The following SSBP3 variants were observed in gnomAD, a reference collection of about 807,000 sequenced individuals.
SSBP3 encodes the protein single stranded DNA binding protein 3.
In SSBP3, 5 loss-of-function variants were observed where a neutral mutation model predicts 69.6. The ratio of observed to expected loss-of-function variants is 0.07; its 90% CI spans 0.04 to 0.15. The LOEUF is 0.15. Among genes scored for constraint, SSBP3 ranks in the 10% least tolerant of loss-of-function variants. SSBP3 has a pLI of 1.00. For synonymous variants in SSBP3, 196 were observed against 193.4 expected, an observed-to-expected ratio of 1.01 and a Z score of -0.11; for missense variants, 312 against 534.0, an observed-to-expected ratio of 0.58 and a Z score of 4.10.
chr1:54,232,243 C>T (rs545366316), intron 14 of SSBP3, among the ~76,000 whole-genome samples: 1 of 152,132 alleles, frequency 6.6e-6, no homozygotes, highest in Non-Finnish European at 1.5e-5. Flanking sequence ...ACGTTTCTGT[C>T]CTCTGATACA....
chr1:54,406,420 A>G (rs180800239), upstream of SSBP3: 4,268 of 153,658 alleles, frequency 0.028, 102 homozygotes, highest in East Asian at 0.044. Flanking sequence ...GAACGTGGCT[A>G]CCCGGGCGAG....
At chr1:54,266,493 G>A (rs983831663) in intron 5 of SSBP3, among the ~76,000 whole-genome samples, 1 of 152,196 alleles carries the variant, frequency 6.6e-6, no homozygotes, top group Admixed American at 6.5e-5. Context: ...CAAAGTCTAA[G>A]ATTATTTCCT....
At chr1:54,288,337 T>C (rs1645530074) in intron 4 of SSBP3, among the ~76,000 whole-genome samples, 1 of 152,176 alleles carries the variant, frequency 6.6e-6, no homozygotes, top group Non-Finnish European at 1.5e-5. Flanking sequence ...GCTGATGTCC[T>C]GCTGCTCCAG....
At chr1:54,404,762 T>C (rs1168366785) in intron 2 of SSBP3, 96 bp downstream of exon 2, 1 of 1,036,170 alleles carries the variant, frequency 9.7e-7, no homozygotes, top group Non-Finnish European at 1.4e-6. Context: ...AAATTCAAAA[T>C]GGTGGCCACA....
At chr1:54,339,447 G>C (rs1011715493) in intron 4 of SSBP3, among the ~76,000 whole-genome samples, 5 of 152,130 alleles carry the variant, frequency 3.3e-5, no homozygotes, top group African/African-American at 1.2e-4. Context: ...TGGGGCCTTG[G>C]GCCTCAGTTT....
intron 4 of SSBP3, among the ~76,000 whole-genome samples, chr1:54,348,256 G>A (rs997041401): frequency 1.6e-5 from 2 of 124,080 alleles, no homozygotes; most frequent in African/African-American, 5.8e-5. Flanking sequence ...GCGGGGGGGG[G>A]GGGGCGGGTG....
intron 4 of SSBP3, among the ~76,000 whole-genome samples, chr1:54,302,553 G>A (rs894477826): frequency 5.9e-5 from 9 of 152,064 alleles, no homozygotes; most frequent in African/African-American, 2.2e-4. Flanking sequence ...ATGTTGATGT[G>A]TTTATTCCTT....
chr1:54,284,357 G>T (rs1645449820), intron 4 of SSBP3, among the ~76,000 whole-genome samples: 1 of 151,418 alleles, frequency 6.6e-6, no homozygotes, highest in African/African-American at 2.4e-5. Flanking sequence ...GGTTTGCATT[G>T]GCCACTTGTA....
chr1:54,255,603 T>C (rs1263682363), intron 7 of SSBP3: 2 of 152,214 alleles, frequency 1.3e-5, no homozygotes, highest in African/African-American at 2.4e-5. Context: ...TGACCTTTTG[T>C]TTCCTCATCT....
intron 14 of SSBP3, among the ~76,000 whole-genome samples, chr1:54,231,636 G>A (rs1644380209): frequency 6.6e-6 from 1 of 152,136 alleles, no homozygotes; most frequent in Non-Finnish European, 1.5e-5. Flanking sequence ...TACTTCAAGT[G>A]TTTTGTAGTT....
chr1:54,260,732 C>T (rs1645003913), intron 5 of SSBP3, among the ~76,000 whole-genome samples: 1 of 148,530 alleles, frequency 6.7e-6, no homozygotes, highest in Admixed American at 6.7e-5. Context: ...CCAGCCCAGC[C>T]CCACAACCTC....
At chr1:54,263,695 C>T (rs920317935) in intron 5 of SSBP3, among the ~76,000 whole-genome samples, 1 of 152,242 alleles carries the variant, frequency 6.6e-6, no homozygotes, top group Admixed American at 6.5e-5. Context: ...AGAACCTTTC[C>T]TTACTCCATG....
rs1042483379 is a variant in SSBP3, at chr1:54,352,669, G to A, written c.276+49192C>T. On this transcript the variant is annotated intron_variant, in intron 4 of 17. Transcript: ENST00000610401. Reference sequence around the variant, plus strand: ...AGGATGTGCAGCAGGAAGAAGCTGCGTCTTGCCGTTTGACCATGCGAGCAT... The same window carrying A: ...AGGATGTGCAGCAGGAAGAAGCTGCATCTTGCCGTTTGACCATGCGAGCAT... Among the ~76,000 whole-genome samples the A allele has an allele frequency of 2.9e-4, 44 of 152,280 alleles. No individual in the cohort carries two copies. The Middle Eastern group carries it at 0.01, about 35-fold the overall frequency.
At chr1:54,401,377 A>AACACACACACACACACAC (rs140889770) in intron 4 of SSBP3, among the ~76,000 whole-genome samples, 1 of 146,976 alleles carries the variant, frequency 6.8e-6, no homozygotes, top group African/African-American at 2.5e-5. Context: ...ACCCACACCA[A>AACACACACACACACACAC]ACACACACAC....
intron 4 of SSBP3, among the ~76,000 whole-genome samples, chr1:54,401,136 T>A (rs150822122): frequency 6.6e-6 from 1 of 152,254 alleles, no homozygotes. Context: ...TTGAAACCCA[T>A]GTTTGTTTTT....
chr1:54,305,000 C>T (rs1434649180), intron 4 of SSBP3, among the ~76,000 whole-genome samples: 3 of 152,178 alleles, frequency 2.0e-5, no homozygotes, highest in African/African-American at 7.2e-5. Context: ...ATGTGCACTC[C>T]ACCAGCATGG....
At chr1:54,301,770 C>A (rs966589919) in intron 4 of SSBP3, among the ~76,000 whole-genome samples, 3 of 152,180 alleles carry the variant, frequency 2.0e-5, no homozygotes, top group East Asian at 1.9e-4. Flanking sequence ...GCCACCACCA[C>A]CCTAGGTTCC....
At chr1:54,298,926 A>C (rs1419373014) in intron 4 of SSBP3, among the ~76,000 whole-genome samples, 2 of 38,784 alleles carry the variant, frequency 5.2e-5, no homozygotes, top group Non-Finnish European at 1.2e-4. Context: ...AGTAACAAAA[A>C]CAAAACACAC....
chr1:54,292,279 G>T (rs1223896849), intron 4 of SSBP3, among the ~76,000 whole-genome samples: 2 of 152,276 alleles, frequency 1.3e-5, no homozygotes, highest in South Asian at 2.1e-4. Context: ...CCCCTCTACC[G>T]AATTCTTCAG....
Sources: allele counts gnomAD v4.1 joint callset (sites outside exome capture counted in the v4.1 genomes callset), GRCh38; gene constraint gnomAD v4.1.1; transcripts MANE v1.5; gene names NCBI Gene and HGNC (gene_info 2026-07-23, HGNC 2026-07-21).